The following CCNG2 variants were observed in gnomAD, a reference collection of about 807,000 sequenced individuals.
The protein encoded by CCNG2 is cyclin G2, also known as cyclin-G2.
In CCNG2, 20 loss-of-function variants were observed where a neutral mutation model predicts 36.5. The ratio of observed to expected loss-of-function variants is 0.55; its 90% confidence interval spans 0.39 to 0.80. The LOEUF is 0.80. Among genes scored for constraint, CCNG2 ranks in the 30% least tolerant of loss-of-function variants. The pLI, the probability that CCNG2 is intolerant of heterozygous loss-of-function variation, is 0.00. For missense variants in CCNG2, 358 were observed against 390.8 expected, an observed-to-expected ratio of 0.92 and a Z score of 0.71; for synonymous variants, 155 against 140.1, an observed-to-expected ratio of 1.11 and a Z score of -0.75.
At chr4:77,158,037 C>G in intron 1 of CCNG2, among the ~76,000 whole-genome samples, 1 of 151,792 alleles carries the variant, frequency 6.6e-6, no homozygotes, top group East Asian at 2.0e-4. Context: ...CCGAGAGGGG[C>G]TTCTGCAGCT....
chr4:77,160,536 G>GT (rs1049887390), intron 3 of CCNG2, among the ~76,000 whole-genome samples, 185 bp from the exon 4 acceptor site: 5 of 147,836 alleles, frequency 3.4e-5, no homozygotes, highest in African/African-American at 1.3e-4. Flanking sequence ...TTTTTTGGGG[G>GT]GGGGGGGAGG....
At chr4:77,159,082 A>G (rs1731353499) in intron 2 of CCNG2, among the ~76,000 whole-genome samples, 1 of 152,214 alleles carries the variant, frequency 6.6e-6, no homozygotes, top group Non-Finnish European at 1.5e-5. Flanking sequence ...ATTGAATTAT[A>G]TTTGCTATAA....
chr4:77,158,705 C>G (rs1207523112), intron 2 of CCNG2, 35 bp downstream of exon 2: 15 of 1,612,098 alleles, frequency 9.3e-6, no homozygotes, highest in Non-Finnish European at 1.2e-5. Flanking sequence ...GCTCAAGCAG[C>G]TGATGGGGCT....
At chr4:77,158,735 G>GC in intron 2 of CCNG2, 65 bp downstream of exon 2, 1 of 1,561,010 alleles carries the variant, frequency 6.4e-7, no homozygotes, top group Non-Finnish European at 8.8e-7. Context: ...TAACCCCCCC[G>GC]CCCCCGTTGA....
At chr4:77,161,097 A>AACTTTT in intron 4 of CCNG2, 126 bp downstream of exon 4, 1 of 475,142 alleles carries the variant, frequency 2.1e-6, no homozygotes, top group Non-Finnish European at 3.3e-6. Context: ...TTATTGGTAA[A>AACTTTT]TCTTTTTTTT....
chr4:77,160,740 C>T lies in CCNG2; in HGVS notation c.296C>T (p.Ser99Phe). 1 of 1,612,896 alleles carries T rather than the reference C, an allele frequency of 6.2e-7. No individual in the cohort carries two copies. The highest frequency in any genetic ancestry group is 1.1e-5 in the South Asian group (1 of 90,594). The change falls in exon 4 of 8, where the codon TCT (serine) becomes TTT (phenylalanine). Residue 99 changes from serine to phenylalanine, a missense_variant. Coordinates refer to ENST00000316355, the MANE Select transcript of CCNG2 (RefSeq NM_004354.3). ...TCTCAGGTGAAACCTAAACATTTGT[C>T]TTGCATTGGAGTCTGTTCTTTTTTG... ...ALMKVKPKHL[S>F]CIGVCSFLLA...
Position 77,161,757 on chromosome 4 carries a change from G to A in CCNG2, c.705+10G>A, listed in dbSNP as rs1338962765. 3 of 1,548,946 alleles carry A rather than the reference G, an allele frequency of 1.9e-6. No individual in the cohort carries two copies. Among genetic ancestry groups the A allele is most frequent in the Non-Finnish European group, 2.6e-6 (3 of 1,139,486 alleles). On this transcript the variant is annotated intron_variant, in intron 6 of 7. Coordinates refer to ENST00000316355, the MANE Select transcript of CCNG2 (RefSeq NM_004354.3). Reference sequence around the variant, plus strand: ...TAAAAAACATTCCAAGGTAATTACAGTCATTATTCTTTAAGGCAAATTTTT... The same window carrying A: ...TAAAAAACATTCCAAGGTAATTACAATCATTATTCTTTAAGGCAAATTTTT...
chr4:77,158,444 T>C, intron 1 of CCNG2, 89 bp from the exon 2 acceptor site: 1 of 1,352,904 alleles, frequency 7.4e-7, no homozygotes, highest in Non-Finnish European at 1.0e-6. Context: ...GGGCGACCCT[T>C]GCTGGAGGTA....
rs1235095800 is a variant in CCNG2 at position 77,158,656 on chromosome 4, G to C, written c.124G>C (p.Glu42Gln). Residue 42 changes from glutamate to glutamine, a missense_variant, in exon 2 of 8, where the codon GAG (glutamate) becomes CAG (glutamine). Transcript: ENST00000316355. ...TCGAGAAAAAGGGCTGAGTTTGATT[G>C]AGGCTACCCCGGAGGTAAGTTGGCA... ...QPREKGLSLI[E>Q]ATPENDNTLC... 3 of 1,614,134 alleles carry C rather than the reference G, an allele frequency of 1.9e-6. No homozygotes were observed. Among genetic ancestry groups the C allele is most frequent in the Non-Finnish European group, 2.5e-6 (3 of 1,180,034 alleles).
At position 77,159,638 on chromosome 4, in the gene CCNG2, C is replaced by T. The variant is rs549616408; in HGVS notation, c.276+134C>T. ...AAAAATTTATAATCAGAATTGTGAT[C>T]GTTAGTGCCAGAATAAGACTACAAG... On this transcript the variant is annotated intron_variant, in intron 3 of 7. Coordinates refer to ENST00000316355, the MANE Select transcript of CCNG2 (RefSeq NM_004354.3). 2.2e-5 allele frequency: 17 copies of T among 778,924 alleles called. No homozygotes were observed. In the African/African-American group the frequency reaches 2.4e-4, roughly 11 times the overall value. The allele number at this position is 778,924 out of a possible 1,614,324, so 48.3% of individuals were successfully genotyped here.
In CCNG2 at chr4:77,163,177, G is replaced by A. The variant is rs543078022; in HGVS notation, c.706-1097G>A. On this transcript the variant is annotated intron_variant, in intron 6 of 7. Transcript: ENST00000316355. Reference sequence around the variant, plus strand: ...GCAGTAGTTGAAACGGTAAGAAGCTGTGGAATCCTTTTTGTAGGGGTCAGT... The same window carrying A: ...GCAGTAGTTGAAACGGTAAGAAGCTATGGAATCCTTTTTGTAGGGGTCAGT... Among the ~76,000 whole-genome samples, 20 of 152,268 alleles carry A rather than the reference G, an allele frequency of 1.3e-4. 1 individual carries two copies. In the South Asian group the frequency reaches 4.1e-3, roughly 32 times the overall value.
At chr4:77,160,546 G>T (rs1731404205) in intron 3 of CCNG2, among the ~76,000 whole-genome samples, 175 bp from the exon 4 acceptor site, 1 of 149,840 alleles carries the variant, frequency 6.7e-6, no homozygotes, top group South Asian at 2.1e-4. Context: ...GGGGGGGGAG[G>T]TCGAGAACGT....
At chr4:77,160,514 C>A in intron 3 of CCNG2, among the ~76,000 whole-genome samples, 1 of 143,258 alleles carries the variant, frequency 7.0e-6, no homozygotes, top group South Asian at 2.2e-4. Context: ...GCCACTGTTC[C>A]CTGCTGCCTT....
intron 6 of CCNG2, 106 bp from the exon 7 acceptor site, chr4:77,164,168 G>T (rs548947776): frequency 6.8e-6 from 5 of 731,368 alleles, no homozygotes; most frequent in Non-Finnish European, 1.1e-5. Context: ...GGTAGTGGGA[G>T]CCAGGCATCT....
rs1008103036 is a variant in CCNG2, at chr4:77,168,380, C to G, written c.*2456C>G. ...TGATCCCTCAGCTTCCAGGCTTACT[C>G]CTGGTCTCTGCCTTCCTATCTACAT... On this transcript the variant is annotated 3_prime_UTR_variant, in exon 8 of 8. Transcript: ENST00000316355. 1 of 152,302 alleles carries G rather than the reference C, an allele frequency of 6.6e-6. No homozygotes were observed. The highest frequency in any genetic ancestry group is 1.9e-4 in the East Asian group (1 of 5,186). The allele number at this position is 152,302 out of a possible 1,614,324, so 9.4% of individuals were successfully genotyped here. A position where few individuals can be genotyped will look rare whatever the true frequency, so the allele number is the denominator to read the frequency against.
chr4:77,162,575 G>T (rs1265073851), intron 6 of CCNG2, among the ~76,000 whole-genome samples: 1 of 151,940 alleles, frequency 6.6e-6, no homozygotes, highest in Non-Finnish European at 1.5e-5. Context: ...TAGAGATGGG[G>T]TTTCGCCATG....
rs1392553092 is a variant in CCNG2, at chr4:77,160,594, C to G, written c.277-127C>G. ...AATGTGTATAATTGTGGGTAAAGAG[C>G]CAGTACATATAAGAGAAACAACTTG... On this transcript the variant is annotated intron_variant, in intron 3 of 7. Coordinates refer to ENST00000316355, the MANE Select transcript of CCNG2 (RefSeq NM_004354.3). 1.3e-5 allele frequency: 11 copies of G among 857,828 alleles called. No individual in the cohort carries two copies. In the East Asian group the frequency reaches 2.0e-4, roughly 16 times the overall value. 53.1% of individuals were successfully genotyped at this position (857,828 alleles called of 1,614,324 possible).
At chr4:77,165,113 G>A (rs1731594261) in intron 7 of CCNG2, 1 of 152,188 alleles carries the variant, frequency 6.6e-6, no homozygotes, top group Non-Finnish European at 1.5e-5. Flanking sequence ...TACTTTGTTT[G>A]TAAAGTGAAT....
rs1049337566 is a variant in CCNG2, at chr4:77,169,937, A to G, written c.*4013A>G. On this transcript the variant is annotated 3_prime_UTR_variant, in exon 8 of 8. Transcript: ENST00000316355. ...TGTTATTTATGGTCAAATGGTGATTATCTCTGGTGAGATTACAGGTGATGT... is the reference window on the plus strand; with the variant it reads ...TGTTATTTATGGTCAAATGGTGATTGTCTCTGGTGAGATTACAGGTGATGT... 2.0e-5 allele frequency: 3 copies of G among 152,260 alleles called. No homozygotes were observed. The highest frequency in any genetic ancestry group is 2.9e-5 in the Non-Finnish European group (2 of 68,044). 9.4% of individuals were successfully genotyped at this position (152,260 alleles called of 1,614,324 possible).
Sources: gnomAD v4.1 joint callset for allele counts (sites outside exome capture counted in the v4.1 genomes callset) on GRCh38, gnomAD v4.1.1 for gene constraint, MANE v1.5 for transcripts, NCBI Gene and HGNC (gene_info 2026-07-23, HGNC 2026-07-21) for gene names.